Variants in SPECC1 observed in about 807,000 individuals in gnomAD.
SPECC1 encodes the protein sperm antigen with calponin homology and coiled-coil domains 1, also known as cytospin-B.
SPECC1 carries 62 observed loss-of-function variants against 104.1 expected under a neutral mutation model. That is an observed-to-expected ratio of 0.60 (90% CI 0.49 to 0.74). The LOEUF (loss-of-function observed/expected upper bound fraction) is 0.74, where lower values mean the gene tolerates loss of function less well. Among genes scored for constraint, SPECC1 ranks in the 30% least tolerant of loss-of-function variants. The pLI is 0.00. For synonymous variants in SPECC1, 513 were observed against 501.6 expected, an observed-to-expected ratio of 1.02 and a Z score of -0.30; for missense variants, 1,306 against 1,310.5, an observed-to-expected ratio of 1.00 and a Z score of 0.05.
At chr17:20,084,563 A>G (rs1294971452) in intron 1 of SPECC1, among the ~76,000 whole-genome samples, 1 of 152,048 alleles carries the variant, frequency 6.6e-6, no homozygotes, top group African/African-American at 2.4e-5. Context: ...TTGTCTTTTC[A>G]TTTTGTTGAC....
At chr17:20,195,123 A>C (rs1318637895) in intron 3 of SPECC1, among the ~76,000 whole-genome samples, 1 of 152,188 alleles carries the variant, frequency 6.6e-6, no homozygotes, top group East Asian at 1.9e-4. Flanking sequence ...TCTCCATGAG[A>C]GTCCTGAAAG....
intron 4 of SPECC1, among the ~76,000 whole-genome samples, chr17:20,218,977 A>C (rs1281304036): frequency 6.6e-6 from 1 of 152,224 alleles, no homozygotes. Context: ...TGCAAATAGC[A>C]GGATCTCATT....
intron 2 of SPECC1, among the ~76,000 whole-genome samples, chr17:20,108,874 G>A (rs1326056014): frequency 1.3e-5 from 2 of 152,150 alleles, no homozygotes; most frequent in African/African-American, 2.4e-5. Context: ...TCCCTTCTTC[G>A]ACTTACTGCC....
chr17:20,034,300 T>C (rs1222844628), intron 1 of SPECC1, among the ~76,000 whole-genome samples: 2 of 152,012 alleles, frequency 1.3e-5, no homozygotes, highest in African/African-American at 4.8e-5. Flanking sequence ...GGTTTCACCA[T>C]GTTGGCCAGG....
At chr17:20,122,003 C>T (rs900060684) in intron 3 of SPECC1, among the ~76,000 whole-genome samples, 1 of 152,188 alleles carries the variant, frequency 6.6e-6, no homozygotes, top group Non-Finnish European at 1.5e-5. Context: ...ACATCCCTGC[C>T]TTCATAAAGG....
At chr17:20,046,246 G>A (rs1371123298) in intron 1 of SPECC1, among the ~76,000 whole-genome samples, 2 of 152,106 alleles carry the variant, frequency 1.3e-5, no homozygotes, top group Non-Finnish European at 2.9e-5. Context: ...GTGCCTGGCA[G>A]AGTTTTTGTT....
At chr17:20,166,663 G>A (rs906599101) in intron 3 of SPECC1, among the ~76,000 whole-genome samples, 1 of 152,116 alleles carries the variant, frequency 6.6e-6, no homozygotes. Context: ...AGAAATCTGG[G>A]ATAACCGGAG....
intron 1 of SPECC1, among the ~76,000 whole-genome samples, chr17:20,068,772 G>A (rs777911440): frequency 6.6e-6 from 1 of 152,132 alleles, no homozygotes; most frequent in Non-Finnish European, 1.5e-5. Context: ...TCACGTGCTT[G>A]TTGGCCACTT....
At chr17:20,048,623 A>G in intron 1 of SPECC1, among the ~76,000 whole-genome samples, 1 of 151,408 alleles carries the variant, frequency 6.6e-6, no homozygotes, top group Non-Finnish European at 1.5e-5. Flanking sequence ...AAGAATTCCC[A>G]GGGCCAGGCG....
chr17:20,118,996 C>G (rs1375718926), intron 3 of SPECC1, among the ~76,000 whole-genome samples: 1 of 152,114 alleles, frequency 6.6e-6, no homozygotes, highest in Non-Finnish European at 1.5e-5. Flanking sequence ...GTTCCCATGC[C>G]CCAAGGGGCA....
At chr17:20,070,009 T>C (rs1243631092) in intron 1 of SPECC1, among the ~76,000 whole-genome samples, 1 of 152,166 alleles carries the variant, frequency 6.6e-6, no homozygotes, top group East Asian at 1.9e-4. Context: ...GAGGTTTTTT[T>C]GTTGTAAATT....
At chr17:20,062,890 G>T (rs1290235974) in intron 1 of SPECC1, among the ~76,000 whole-genome samples, 3 of 152,048 alleles carry the variant, frequency 2.0e-5, no homozygotes, top group African/African-American at 7.3e-5. Context: ...GTTTCGTCAT[G>T]TTGGCCAGGC....
At chr17:20,305,163 G>A (rs7208290) in intron 13 of SPECC1, among the ~76,000 whole-genome samples, 5,744 of 152,054 alleles carry the variant, frequency 0.038, 351 homozygotes, top group African/African-American at 0.13. Flanking sequence ...CTGTGATGCC[G>A]CTTGTGGTTT....
At chr17:20,170,896 T>C (rs2034037733) in intron 3 of SPECC1, among the ~76,000 whole-genome samples, 1 of 152,084 alleles carries the variant, frequency 6.6e-6, no homozygotes, top group Admixed American at 6.6e-5. Context: ...CCCTTGAAAA[T>C]CCCCTTTGTT....
intron 1 of SPECC1, among the ~76,000 whole-genome samples, chr17:20,012,309 T>C (rs758882381): frequency 6.6e-6 from 1 of 152,112 alleles, no homozygotes; most frequent in Non-Finnish European, 1.5e-5. Context: ...TTAACTTATT[T>C]TTTTTCTCTG....
rs778592717 is a variant in SPECC1 at position 20,204,912 on chromosome 17, C to T, written c.863C>T (p.Pro288Leu). ...ACTCAAGAGTCAAGCTTCGGAAGCC[C>T]AACTGGAAATCAGATGTCCAGTGAC... The part of the protein sequence containing the change: ...SITQESSFGS[P>L]TGNQMSSDID... The change falls in exon 4 of 15, where the codon CCA becomes CTA. Residue 288 changes from proline (P) to leucine (L), a missense_variant. By Grantham distance (98) the Pro-to-Leu change is moderately conservative. Coordinates refer to ENST00000395527, the MANE Select transcript of SPECC1 (RefSeq NM_001243439.2). 3.4e-5 allele frequency: 55 copies of T among 1,613,890 alleles called. No individual in the cohort carries two copies. The highest frequency in any genetic ancestry group is 4.6e-5 in the Non-Finnish European group (54 of 1,180,028).
chr17:20,276,038 T>G (rs2040563757), intron 12 of SPECC1, among the ~76,000 whole-genome samples: 1 of 152,238 alleles, frequency 6.6e-6, no homozygotes, highest in African/African-American at 2.4e-5. Context: ...TATTGCTATT[T>G]CCATTTATGT....
At chr17:20,112,847 G>C in intron 3 of SPECC1, 4 of 1,590,270 alleles carry the variant, frequency 2.5e-6, no homozygotes, top group Non-Finnish European at 3.4e-6. Flanking sequence ...CCTCAGAGGA[G>C]CAACTCTGGC....
chr17:20,100,073 T>A (rs994001743), intron 2 of SPECC1, among the ~76,000 whole-genome samples: 3 of 152,180 alleles, frequency 2.0e-5, no homozygotes, highest in African/African-American at 7.2e-5. Flanking sequence ...TCATTTTAAA[T>A]TTTTTTATTG....
Sources: allele counts gnomAD v4.1 joint callset (sites outside exome capture counted in the v4.1 genomes callset), GRCh38; gene constraint gnomAD v4.1.1; transcripts MANE v1.5; gene names NCBI Gene and HGNC (gene_info 2026-07-23, HGNC 2026-07-21).